ESRRG: variants seen among roughly 807,000 people sequenced by gnomAD.
ESRRG encodes the protein estrogen-related receptor gamma.
Under a neutral mutation model 44.0 loss-of-function variants are expected in ESRRG, and 13 were observed. That is an observed-to-expected ratio of 0.30 (90% confidence interval 0.19 to 0.47). ESRRG has a LOEUF of 0.47. Ranked by LOEUF, ESRRG falls within the 20% of genes least tolerant of loss-of-function variation. ESRRG has a pLI of 1.00. For missense variants in ESRRG, 395 were observed against 580.6 expected, an observed-to-expected ratio of 0.68 and a Z score of 3.29; for synonymous variants, 215 against 214.6, an observed-to-expected ratio of 1.00 and a Z score of -0.02.
At chr1:217,136,967 G>C (rs985381009) in intron 1 of ESRRG, among the ~76,000 whole-genome samples, 1 of 152,136 alleles carries the variant, frequency 6.6e-6, no homozygotes, top group African/African-American at 2.4e-5. Flanking sequence ...GCAGATGCAG[G>C]GACGTTGCTC....
chr1:216,640,277 A>AT (rs1335173713), intron 3 of ESRRG, among the ~76,000 whole-genome samples: 1 of 152,050 alleles, frequency 6.6e-6, no homozygotes, highest in Non-Finnish European at 1.5e-5. Context: ...AGGCTCAGGG[A>AT]ATTTGGCTAG....
chr1:216,873,209 G>GTTTTTTTTTTTT (rs754735743), intron 2 of ESRRG, among the ~76,000 whole-genome samples: 6 of 105,948 alleles, frequency 5.7e-5, no homozygotes, highest in African/African-American at 7.7e-5. Flanking sequence ...CATCTTTTCA[G>GTTTTTTTTTTTT]TTTTTTTTTT....
At chr1:216,573,776 G>T (rs2061242315) in intron 3 of ESRRG, among the ~76,000 whole-genome samples, 1 of 151,744 alleles carries the variant, frequency 6.6e-6, no homozygotes, top group African/African-American at 2.4e-5. Flanking sequence ...TAAAAAAGAT[G>T]ATTTTCCTGA....
At chr1:217,047,772 C>T (rs1223450077) in intron 1 of ESRRG, among the ~76,000 whole-genome samples, 1 of 152,068 alleles carries the variant, frequency 6.6e-6, no homozygotes, top group Non-Finnish European at 1.5e-5. Context: ...TAGACAGAAG[C>T]CTCAAAAGCC....
At chr1:216,774,724 C>A (rs553005657) in intron 2 of ESRRG, among the ~76,000 whole-genome samples, 4 of 148,538 alleles carry the variant, frequency 2.7e-5, no homozygotes, top group African/African-American at 1.0e-4. Context: ...TGACTGTGTA[C>A]GAACAGAGTC....
chr1:217,004,204 G>A (rs185389625), intron 1 of ESRRG, among the ~76,000 whole-genome samples: 1 of 152,246 alleles, frequency 6.6e-6, no homozygotes, highest in African/African-American at 2.4e-5. Context: ...AAGTTTTAGA[G>A]AGGACTTTAA....
intron 2 of ESRRG, among the ~76,000 whole-genome samples, chr1:216,782,966 T>G (rs2093988102): frequency 6.6e-6 from 1 of 152,044 alleles, no homozygotes; most frequent in African/African-American, 2.4e-5. Flanking sequence ...AAAAAAATCC[T>G]ACTTGGATGC....
chr1:216,641,564 T>C (rs1026972925), intron 3 of ESRRG, among the ~76,000 whole-genome samples: 1 of 152,224 alleles, frequency 6.6e-6, no homozygotes, highest in African/African-American at 2.4e-5. Context: ...GCACAACTTA[T>C]AAGAAATGTG....
intron 1 of ESRRG, among the ~76,000 whole-genome samples, chr1:216,988,877 T>G (rs896506300): frequency 1.3e-5 from 2 of 152,146 alleles, no homozygotes; most frequent in Non-Finnish European, 2.9e-5. Context: ...GAAAAATAAG[T>G]GTGCCTAAAG....
intron 1 of ESRRG, among the ~76,000 whole-genome samples, chr1:216,965,355 A>AT (rs968147427): frequency 1.6e-5 from 2 of 128,514 alleles, no homozygotes; most frequent in African/African-American, 5.0e-5. Context: ...ATGTAGATGA[A>AT]TTTTTTAATG....
intron 2 of ESRRG, among the ~76,000 whole-genome samples, chr1:216,842,937 C>G (rs7554016): frequency 0.034 from 5,112 of 152,222 alleles, 302 homozygotes; most frequent in African/African-American, 0.11. Flanking sequence ...CTGGAATCCA[C>G]ACTCAGACCT....
chr1:216,622,350 A>G (rs1284095753), intron 3 of ESRRG, among the ~76,000 whole-genome samples: 3 of 152,138 alleles, frequency 2.0e-5, no homozygotes, highest in African/African-American at 7.2e-5. Flanking sequence ...CAGTTCAGGA[A>G]CCGAACCCTG....
chr1:216,744,419 T>C (rs2091134942), intron 2 of ESRRG, among the ~76,000 whole-genome samples: 1 of 152,032 alleles, frequency 6.6e-6, no homozygotes, highest in African/African-American at 2.4e-5. Flanking sequence ...ACTCATTCGA[T>C]GTTTTAATCA....
intron 1 of ESRRG, among the ~76,000 whole-genome samples, chr1:217,077,348 T>A (rs1395825907): frequency 6.6e-6 from 1 of 152,192 alleles, no homozygotes; most frequent in Non-Finnish European, 1.5e-5. Context: ...GGGCTTTTAT[T>A]GGTTGGAGTT....
intron 2 of ESRRG, among the ~76,000 whole-genome samples, chr1:216,880,304 CAAAAAAAAAAAAAA>C (rs11301281): frequency 3.4e-5 from 1 of 29,032 alleles, no homozygotes; most frequent in Non-Finnish European, 5.7e-5. Flanking sequence ...GCCTCCCTCT[CAAAAAAAAAAAAAA>C]AAAAAAAAAA....
intron 2 of ESRRG, among the ~76,000 whole-genome samples, chr1:216,827,998 A>G (rs1576999541): frequency 6.6e-6 from 1 of 152,160 alleles, no homozygotes. Context: ...TTGCATCTCT[A>G]CCTCTCAGTA....
chr1:216,744,401 A>G (rs2091132065), intron 2 of ESRRG, among the ~76,000 whole-genome samples: 1 of 152,100 alleles, frequency 6.6e-6, no homozygotes, highest in Non-Finnish European at 1.5e-5. Context: ...TACAACATTC[A>G]TAGGGTAACT....
At chr1:216,942,219 T>A (rs1285861966) in intron 1 of ESRRG, among the ~76,000 whole-genome samples, 2 of 152,212 alleles carry the variant, frequency 1.3e-5, no homozygotes, top group African/African-American at 2.4e-5. Flanking sequence ...TCCAGCTGCA[T>A]CCACGTTGCT....
intron 1 of ESRRG, among the ~76,000 whole-genome samples, chr1:217,085,871 T>C (rs1007343579): frequency 6.6e-6 from 1 of 152,072 alleles, no homozygotes; most frequent in Non-Finnish European, 1.5e-5. Flanking sequence ...TAGAACTTAC[T>C]TATAATTCTT....
Sources: allele counts gnomAD v4.1 joint callset (sites outside exome capture counted in the v4.1 genomes callset), GRCh38; gene constraint gnomAD v4.1.1; transcripts MANE v1.5; gene names NCBI Gene and HGNC (gene_info 2026-07-23, HGNC 2026-07-21).